KCND2: variants seen among roughly 807,000 people sequenced by gnomAD.
The protein encoded by KCND2 is A-type voltage-gated potassium channel KCND2.
In KCND2, 16 loss-of-function variants were observed where a neutral mutation model predicts 54.4. The ratio of observed to expected loss-of-function variants is 0.29; its 90% CI spans 0.20 to 0.45. The LOEUF is 0.45. KCND2 is among the 20% of genes least tolerant of loss of function. KCND2 has a pLI of 1.00. For missense variants in KCND2, 486 were observed against 824.2 expected (o/e 0.59, Z 5.02); for synonymous variants, 317 against 310.7 (o/e 1.02, Z -0.21).
intron 1 of KCND2, among the ~76,000 whole-genome samples, chr7:120,559,377 A>C (rs150488830): frequency 6.6e-6 from 1 of 152,308 alleles, no homozygotes; most frequent in East Asian, 1.9e-4. Flanking sequence ...AGTGGTCAAC[A>C]ACTACACTTG....
At chr7:120,499,616 C>A (rs1364741972) in intron 1 of KCND2, among the ~76,000 whole-genome samples, 1 of 152,088 alleles carries the variant, frequency 6.6e-6, no homozygotes, top group Non-Finnish European at 1.5e-5. Flanking sequence ...ATACTTTTCT[C>A]AGTCTACTCC....
intron 1 of KCND2, among the ~76,000 whole-genome samples, chr7:120,615,145 T>G (rs1000759951): frequency 6.6e-6 from 1 of 152,076 alleles, no homozygotes; most frequent in Non-Finnish European, 1.5e-5. Context: ...GAACCTTGAG[T>G]CAAATTCCTA....
At chr7:120,686,539 C>G (rs951161280) in intron 1 of KCND2, among the ~76,000 whole-genome samples, 2 of 151,916 alleles carry the variant, frequency 1.3e-5, no homozygotes, top group African/African-American at 2.4e-5. Context: ...AGAGCAGGAG[C>G]GAAAGTTTAT....
chr7:120,435,613 A>G (rs1006722739), intron 1 of KCND2, among the ~76,000 whole-genome samples: 3 of 152,116 alleles, frequency 2.0e-5, no homozygotes, highest in South Asian at 2.1e-4. Context: ...TTAATTGTGC[A>G]TTTATACAAT....
At chr7:120,290,290 C>T (rs1290015799) in intron 1 of KCND2, among the ~76,000 whole-genome samples, 1 of 152,026 alleles carries the variant, frequency 6.6e-6, no homozygotes, top group Non-Finnish European at 1.5e-5. Context: ...TACCTACATA[C>T]AGAAATAAAG....
intron 1 of KCND2, among the ~76,000 whole-genome samples, chr7:120,720,107 T>C (rs540367085): frequency 6.6e-6 from 1 of 152,282 alleles, no homozygotes; most frequent in Non-Finnish European, 1.5e-5. Flanking sequence ...TGGATTGAAA[T>C]GCAGTTTTCA....
chr7:120,675,946 C>T (rs1225746407), intron 1 of KCND2, among the ~76,000 whole-genome samples: 3 of 151,364 alleles, frequency 2.0e-5, no homozygotes, highest in African/African-American at 7.3e-5. Flanking sequence ...CAACCTCCGC[C>T]TCTTGAATTG....
intron 1 of KCND2, among the ~76,000 whole-genome samples, chr7:120,583,841 A>T (rs1208375748): frequency 6.6e-6 from 1 of 152,170 alleles, no homozygotes; most frequent in Non-Finnish European, 1.5e-5. Flanking sequence ...ATTGTGTGAA[A>T]AAAAGCAATA....
At chr7:120,682,724 C>T (rs1792154877) in intron 1 of KCND2, among the ~76,000 whole-genome samples, 1 of 152,106 alleles carries the variant, frequency 6.6e-6, no homozygotes, top group South Asian at 2.1e-4. Flanking sequence ...CGTTGAAATG[C>T]TTTAGCTATA....
intron 1 of KCND2, among the ~76,000 whole-genome samples, chr7:120,724,905 TA>T (rs1271591139): frequency 1.3e-5 from 2 of 152,194 alleles, no homozygotes; most frequent in African/African-American, 4.8e-5. Flanking sequence ...CTGAAAGGCA[TA>T]TTTTGAACAT....
At chr7:120,539,491 G>A (rs802378) in intron 1 of KCND2, among the ~76,000 whole-genome samples, 10,112 of 152,152 alleles carry the variant, frequency 0.066, 889 homozygotes, top group East Asian at 0.45. Flanking sequence ...TCAGAGCCAC[G>A]GAAGGAACAC....
intron 1 of KCND2, 93 bp downstream of exon 1, chr7:120,275,840 T>G (rs1799165597): frequency 5.8e-6 from 8 of 1,371,776 alleles, no homozygotes; most frequent in Non-Finnish European, 8.1e-6. Context: ...GGGGAAATCA[T>G]TTGTTTTCTT....
chr7:120,527,701 CAAAT>C (rs1024624991), intron 1 of KCND2, among the ~76,000 whole-genome samples: 3 of 151,450 alleles, frequency 2.0e-5, no homozygotes, highest in Non-Finnish European at 2.9e-5. Context: ...TTAAAAAAAA[CAAAT>C]AAATAAATTC....
In KCND2 at chr7:120,388,916, A is replaced by G. The variant is rs138835491; in HGVS notation, c.1115+113169A>G. ...TATATATATATATATACACACACAT[A>G]CATACATATAGTAAACTGGTAGATT... On this transcript the variant is annotated intron_variant, in intron 1 of 5. Transcript: ENST00000331113. 4.4e-3 allele frequency among the ~76,000 whole-genome samples: 664 copies of G among 150,896 alleles called. 5 individuals are homozygous for G. The highest frequency in any genetic ancestry group is 0.015 in the African/African-American group (621 of 41,362).
At chr7:120,456,166 G>A (rs1292242461) in intron 1 of KCND2, among the ~76,000 whole-genome samples, 1 of 152,092 alleles carries the variant, frequency 6.6e-6, no homozygotes, top group Non-Finnish European at 1.5e-5. Flanking sequence ...ACATGCATGG[G>A]TTTGACTATA....
At chr7:120,578,265 G>T (rs1244820768) in intron 1 of KCND2, among the ~76,000 whole-genome samples, 1 of 151,986 alleles carries the variant, frequency 6.6e-6, no homozygotes, top group South Asian at 2.1e-4. Context: ...TCCATCCTGG[G>T]TAATGTAGCA....
chr7:120,549,827 G>A (rs1792085090), intron 1 of KCND2, among the ~76,000 whole-genome samples: 1 of 152,084 alleles, frequency 6.6e-6, no homozygotes, highest in South Asian at 2.1e-4. Context: ...TATCATCTTA[G>A]TATGCTTTTT....
chr7:120,419,123 A>G (rs894632250), intron 1 of KCND2, among the ~76,000 whole-genome samples: 54 of 152,160 alleles, frequency 3.5e-4, no homozygotes, highest in Non-Finnish European at 2.9e-5. Context: ...TTCTTCCAAA[A>G]AAGTACTGTT....
chr7:120,434,270 T>C (rs926448218), intron 1 of KCND2, among the ~76,000 whole-genome samples: 16 of 152,206 alleles, frequency 1.1e-4, no homozygotes, highest in African/African-American at 3.6e-4. Context: ...GAGGCATCTA[T>C]GGGAGGAAAA....
Sources: allele counts gnomAD v4.1 joint callset (sites outside exome capture counted in the v4.1 genomes callset), GRCh38; gene constraint gnomAD v4.1.1; transcripts MANE v1.5; gene names NCBI Gene and HGNC (gene_info 2026-07-23, HGNC 2026-07-21).